EIF3H: variants seen among roughly 807,000 people sequenced by gnomAD.
EIF3H encodes eIF-3-gamma.
In EIF3H, 26 loss-of-function variants were observed where a neutral mutation model predicts 44.2. That is an observed-to-expected ratio of 0.59 (90% CI 0.43 to 0.82). The LOEUF (loss-of-function observed/expected upper bound fraction) is 0.82, where lower values mean the gene tolerates loss of function less well. EIF3H is among the 40% of genes least tolerant of loss of function. The pLI, the probability that EIF3H is intolerant of heterozygous loss-of-function variation, is 0.00. For synonymous variants in EIF3H, 166 were observed against 151.9 expected, an observed-to-expected ratio of 1.09 and a Z score of -0.68; for missense variants, 359 against 432.8, an observed-to-expected ratio of 0.83 and a Z score of 1.51.
At chr8:116,728,504 A>T (rs190109617) in intron 1 of EIF3H, among the ~76,000 whole-genome samples, 30 of 152,294 alleles carry the variant, frequency 2.0e-4, no homozygotes, top group Non-Finnish European at 4.1e-4. Context: ...GTAGTAATAG[A>T]CAACAGATAT....
intron 2 of EIF3H, chr8:116,697,234 G>A: frequency 2.2e-6 from 1 of 454,370 alleles, no homozygotes; most frequent in Non-Finnish European, 4.4e-6. Context: ...AGGAAATACT[G>A]GGCCTAGATG....
intron 2 of EIF3H, among the ~76,000 whole-genome samples, chr8:116,703,907 G>A (rs1335534818): frequency 6.6e-6 from 1 of 152,178 alleles, no homozygotes; most frequent in Non-Finnish European, 1.5e-5. Context: ...AGGCCCAGTA[G>A]GGCTGGACCC....
intron 1 of EIF3H, among the ~76,000 whole-genome samples, chr8:116,752,726 AAGAAAGAAG>A (rs1458092923): frequency 1.9e-4 from 23 of 123,814 alleles, no homozygotes; most frequent in African/African-American, 5.2e-4. Flanking sequence ...GAAAGAAAGA[AAGAAAGAAG>A]AGAAAGAAAG....
Position 116,687,049 on chromosome 8 carries a change from T to A in EIF3H, c.290-28069A>T, listed in dbSNP as rs1268716910. On this transcript the variant is annotated intron_variant, in intron 2 of 7. Transcript: ENST00000521861. The stretch of plus-strand genomic sequence containing the variant: ...TTAGTTGAAGAGTGACACTCAAACT[T>A]CTGCTGTAAGACATTACCTAGGAAC... 2.0e-5 allele frequency among the ~76,000 whole-genome samples: 3 copies of A among 152,268 alleles called. No individual in the cohort carries two copies. In the East Asian group the frequency reaches 5.8e-4, roughly 29 times the overall value.
intron 1 of EIF3H, among the ~76,000 whole-genome samples, chr8:116,741,100 TTCTA>T (rs962164578): frequency 2.2e-4 from 33 of 152,328 alleles, no homozygotes; most frequent in African/African-American, 7.2e-4. Context: ...TTTTAATTTT[TTCTA>T]TCTTTTTTTT....
intron 2 of EIF3H, among the ~76,000 whole-genome samples, chr8:116,674,108 A>C (rs1273069353): frequency 2.0e-5 from 3 of 147,528 alleles, no homozygotes; most frequent in African/African-American, 7.4e-5. Flanking sequence ...TGAACACTTA[A>C]AGGTGGAAAT....
At chr8:116,765,295 T>G (rs192744829) in intron 1 of EIF3H, among the ~76,000 whole-genome samples, 65 of 152,354 alleles carry the variant, frequency 4.3e-4, no homozygotes, top group African/African-American at 1.4e-3. Context: ...CTAAGTGATG[T>G]GCTGGGACTC....
At chr8:116,729,708 A>G (rs888813230) in intron 1 of EIF3H, among the ~76,000 whole-genome samples, 2 of 152,232 alleles carry the variant, frequency 1.3e-5, no homozygotes, top group African/African-American at 4.8e-5. Flanking sequence ...TAATTACAAG[A>G]GAGAAAGCTT....
At chr8:116,746,379 T>C (rs978686164) in intron 1 of EIF3H, among the ~76,000 whole-genome samples, 2 of 152,172 alleles carry the variant, frequency 1.3e-5, no homozygotes, top group Non-Finnish European at 2.9e-5. Flanking sequence ...ATTGATAAAA[T>C]AGGGATAATG....
At chr8:116,729,273 G>A (rs572633744) in intron 1 of EIF3H, among the ~76,000 whole-genome samples, 1 of 152,264 alleles carries the variant, frequency 6.6e-6, no homozygotes, top group African/African-American at 2.4e-5. Context: ...AGGGAATACT[G>A]GTGACTAGGA....
chr8:116,727,330 A>C (rs1197153932), intron 1 of EIF3H, among the ~76,000 whole-genome samples: 1 of 152,260 alleles, frequency 6.6e-6, no homozygotes, highest in East Asian at 1.9e-4. Context: ...AAGTGCAAAC[A>C]AAGGGAAAAA....
At position 116,644,026 on chromosome 8, in the gene EIF3H, A is replaced by C. The variant is rs996099918; in HGVS notation, c.*980T>G. The C allele has an allele frequency of 1.3e-5, 2 of 152,272 alleles. No individual in the cohort carries two copies. The highest frequency in any genetic ancestry group is 4.8e-5 in the African/African-American group (2 of 41,466). The allele number at this position is 152,272 out of a possible 1,614,324, so 9.4% of individuals were successfully genotyped here. On this transcript the variant is annotated 3_prime_UTR_variant, in exon 8 of 8. Coordinates refer to ENST00000521861, the MANE Select transcript of EIF3H (RefSeq NM_003756.3). Reference sequence around the variant, plus strand: ...ATTATACTTCATGGTTTCGGAAGACAAATGTGAAGTCCTAAATAATATAAA... The same window carrying C: ...ATTATACTTCATGGTTTCGGAAGACCAATGTGAAGTCCTAAATAATATAAA...
intron 3 of EIF3H, chr8:116,657,612 T>G (rs1424985086): frequency 8.2e-6 from 3 of 364,362 alleles, no homozygotes; most frequent in African/African-American, 6.4e-5. Context: ...TTGCTGAAAA[T>G]TAAATGTATC....
intron 1 of EIF3H, among the ~76,000 whole-genome samples, chr8:116,755,421 G>T (rs901116217): frequency 6.6e-6 from 1 of 152,108 alleles, no homozygotes; most frequent in African/African-American, 2.4e-5. Context: ...AAGACCCCAG[G>T]AACCTGTCAC....
intron 2 of EIF3H, among the ~76,000 whole-genome samples, chr8:116,660,307 A>G (rs1586437097): frequency 2.0e-5 from 3 of 152,354 alleles, no homozygotes; most frequent in Admixed American, 6.5e-5. Flanking sequence ...GAAAAGTTAT[A>G]TATCTGTCAT....
At chr8:116,691,453 T>G (rs1365172609) in intron 2 of EIF3H, among the ~76,000 whole-genome samples, 2 of 152,134 alleles carry the variant, frequency 1.3e-5, no homozygotes, top group African/African-American at 4.8e-5. Context: ...TCAGTTAATA[T>G]GTACTACATA....
chr8:116,685,401 A>ACACTG (rs1189014276), intron 2 of EIF3H, among the ~76,000 whole-genome samples: 6 of 152,190 alleles, frequency 3.9e-5, no homozygotes, highest in African/African-American at 1.4e-4. Context: ...CAATGTGTTA[A>ACACTG]CACTGAGCCT....
chr8:116,749,738 T>G (rs1322598220), intron 1 of EIF3H, among the ~76,000 whole-genome samples: 1 of 133,760 alleles, frequency 7.5e-6, no homozygotes, highest in East Asian at 2.1e-4. Context: ...GAGTTATTTT[T>G]GAACAGCTTT....
chr8:116,750,402 A>AC (rs1343012285), intron 1 of EIF3H, among the ~76,000 whole-genome samples: 4 of 142,338 alleles, frequency 2.8e-5, no homozygotes, highest in African/African-American at 1.1e-4. Flanking sequence ...CTTTAGCATG[A>AC]CTTTTTTTTT....
Sources: allele counts gnomAD v4.1 joint callset (sites outside exome capture counted in the v4.1 genomes callset), GRCh38; gene constraint gnomAD v4.1.1; transcripts MANE v1.5; gene names NCBI Gene and HGNC (gene_info 2026-07-23, HGNC 2026-07-21).